The following USP42 variants were observed in gnomAD, a reference collection of about 807,000 sequenced individuals.
USP42 encodes ubiquitin carboxyl-terminal hydrolase 42.
In USP42, 23 loss-of-function variants were observed where a neutral mutation model predicts 113.0. The observed-to-expected ratio is 0.20, with a 90% CI of 0.15 to 0.29. The LOEUF is 0.29. USP42 is among the 10% of genes least tolerant of loss of function. The probability of loss-of-function intolerance (pLI) is 1.00; values close to 1 mark genes in which losing one functional copy is unlikely to be tolerated. For synonymous variants in USP42, 933 were observed against 699.0 expected (o/e 1.33, Z -5.28); for missense variants, 2,174 against 1,779.8 (o/e 1.22, Z -3.99).
At chr7:6,116,293 A>G (rs779219351) in intron 3 of USP42, among the ~76,000 whole-genome samples, 1 of 152,122 alleles carries the variant, frequency 6.6e-6, no homozygotes, top group Non-Finnish European at 1.5e-5. Context: ...TCCCTTTAGC[A>G]TTTGAGAACT....
At chr7:6,082,876 G>T in the USP42 span, among the ~76,000 whole-genome samples, 1 of 149,234 alleles carries the variant, frequency 6.7e-6, no homozygotes, top group Non-Finnish European at 1.5e-5. Flanking sequence ...CTCCCAAAGT[G>T]CTGGGATTAC....
At chr7:6,118,766 C>T (rs1038976284) in intron 3 of USP42, among the ~76,000 whole-genome samples, 14 of 152,008 alleles carry the variant, frequency 9.2e-5, no homozygotes, top group Admixed American at 7.9e-4. Context: ...ATTGTCTTTG[C>T]ACCTTTATCA....
At chr7:6,152,877 T>A in intron 14 of USP42, 1 of 955,080 alleles carries the variant, frequency 1.0e-6, no homozygotes, top group Non-Finnish European at 1.2e-6. Context: ...CCTCTACCTT[T>A]GAGGGTCCAA....
intron 3 of USP42, among the ~76,000 whole-genome samples, chr7:6,125,365 C>T (rs891003174): frequency 5.3e-5 from 8 of 151,968 alleles, no homozygotes; most frequent in South Asian, 2.1e-4. Flanking sequence ...TGGCAGATGC[C>T]TGTAATCTCA....
intron 3 of USP42, among the ~76,000 whole-genome samples, chr7:6,128,507 C>T (rs896138744): frequency 2.0e-5 from 3 of 152,106 alleles, no homozygotes; most frequent in African/African-American, 4.8e-5. Context: ...CTGCCTGTGT[C>T]ATTACATTTG....
At chr7:6,124,216 TTTTC>T (rs1178379328) in intron 3 of USP42, among the ~76,000 whole-genome samples, 1 of 151,988 alleles carries the variant, frequency 6.6e-6, no homozygotes, top group Non-Finnish European at 1.5e-5. Context: ...ATGATATATT[TTTTC>T]CATCTTTTTA....
intron 3 of USP42, 109 bp from the exon 4 acceptor site, chr7:6,135,732 A>T: frequency 2.2e-6 from 1 of 452,184 alleles, no homozygotes; most frequent in Non-Finnish European, 4.0e-6. Flanking sequence ...AGGCATGCAT[A>T]TAGCAGCTAT....
chr7:6,135,713 G>T, intron 3 of USP42, 128 bp from the exon 4 acceptor site: 6 of 279,698 alleles, frequency 2.1e-5, no homozygotes, highest in Non-Finnish European at 3.4e-5. Context: ...CATAAAAGTA[G>T]ATAGCTCAAG....
rs566927212 is a variant in USP42 at position 6,159,891 on chromosome 7, G to A, written c.*36+398G>A. On this transcript the variant is annotated intron_variant, in intron 17 of 17. Coordinates refer to ENST00000306177, the MANE Select transcript of USP42 (RefSeq NM_032172.3). The surrounding 1 kb of genome is among the most constrained non-coding windows in gnomAD (Gnocchi z 4.1). ...CAGGAGAGCGGAGCCTTGCTCCCTC[G>A]TCCGTCCCGTCCCCTGTGCTGCTGT... Among the ~76,000 whole-genome samples, 9 of 152,264 alleles carry A rather than the reference G, an allele frequency of 5.9e-5. No homozygotes were observed. Among genetic ancestry groups the A allele is most frequent in the East Asian group, 3.9e-4 (2 of 5,170 alleles).
chr7:6,091,561 A>G, the USP42 span, among the ~76,000 whole-genome samples: 1 of 150,610 alleles, frequency 6.6e-6, no homozygotes, highest in African/African-American at 2.5e-5. Context: ...ACCGTATTAT[A>G]CTATAATTGG....
chr7:6,101,131 G>A (rs1263230483), upstream of USP42, among the ~76,000 whole-genome samples: 1 of 151,064 alleles, frequency 6.6e-6, no homozygotes, highest in Non-Finnish European at 1.5e-5. Context: ...TGTCTCAGTG[G>A]GAGATGAGTC....
intron 1 of USP42, among the ~76,000 whole-genome samples, chr7:6,107,716 T>C (rs1337185163): frequency 1.6e-4 from 24 of 152,116 alleles, no homozygotes; most frequent in Admixed American, 1.6e-3. Context: ...GCCTCTTCTT[T>C]CTTTTTTTCC....
intron 3 of USP42, among the ~76,000 whole-genome samples, chr7:6,117,419 A>G (rs1779970519): frequency 6.6e-6 from 1 of 152,214 alleles, no homozygotes; most frequent in Non-Finnish European, 1.5e-5. Context: ...TTATGGCTAG[A>G]TCACAATTTG....
chr7:6,146,336 T>TAAAA, intron 11 of USP42, 88 bp downstream of exon 11: 1 of 781,862 alleles, frequency 1.3e-6, no homozygotes, highest in Non-Finnish European at 1.9e-6. Context: ...ATTCAGTGTT[T>TAAAA]TAAAAAAAAA....
chr7:6,146,105 TAATTA>T, intron 10 of USP42, 38 bp from the exon 11 acceptor site: 1 of 1,326,492 alleles, frequency 7.5e-7, no homozygotes, highest in Non-Finnish European at 1.0e-6. Context: ...GTTCCATGTT[TAATTA>T]AATCTAATCT....
At chr7:6,112,663 G>A (rs756010608) in intron 2 of USP42, among the ~76,000 whole-genome samples, 3 of 152,112 alleles carry the variant, frequency 2.0e-5, no homozygotes, top group Non-Finnish European at 4.4e-5. Flanking sequence ...AGAGCATGCA[G>A]CCCAGACAGC....
the USP42 span, among the ~76,000 whole-genome samples, chr7:6,089,864 G>T: frequency 6.6e-6 from 1 of 150,804 alleles, no homozygotes; most frequent in East Asian, 1.9e-4. Context: ...CATCCCTCAA[G>T]TGTCTGATGA....
Position 6,149,708 on chromosome 7 carries a change from C to G in USP42, c.1512C>G (p.Asn504Lys). Residue 504 changes from asparagine (N) to lysine (K), a missense_variant, in exon 13 of 18, where the codon AAC (asparagine) becomes AAG (lysine). Transcript: ENST00000306177. ...SPVNASASVQ[N>K]WSVNRSSVIP... ...TTAATGCTTCAGCTTCTGTCCAAAA[C>G]TGGTCAGTTAATAGGTCCTCAGTGA... The G allele has an allele frequency of 6.2e-7, 1 of 1,614,012 alleles. No individual in the cohort carries two copies. Among genetic ancestry groups the G allele is most frequent in the South Asian group, 1.1e-5 (1 of 91,082 alleles).
In USP42 at chr7:6,135,887, T is replaced by A. The variant is rs746991934; in HGVS notation, c.489T>A (p.Ile163=). 1 of 1,609,850 alleles carries A rather than the reference T, an allele frequency of 6.2e-7. No homozygotes were observed. The highest frequency in any genetic ancestry group is 2.2e-5 in the East Asian group (1 of 44,812). Residue 163 remains isoleucine (I), a synonymous_variant, in exon 4 of 18, where the codon ATT becomes ATA. Transcript: ENST00000306177. ...FCMMCTMQAH[I]TQALSNPGDV... ...TGATGTGTACAATGCAAGCACATATTACCCAGGCACTCAGTAATCCTGGGG... is the reference window on the plus strand; with the variant it reads ...TGATGTGTACAATGCAAGCACATATAACCCAGGCACTCAGTAATCCTGGGG...
Sources: gnomAD v4.1 joint callset for allele counts (sites outside exome capture counted in the v4.1 genomes callset) on GRCh38, gnomAD v4.1.1 for gene constraint, Gnocchi (gnomAD v3.1) non-coding constraint, MANE v1.5 for transcripts, NCBI Gene and HGNC (gene_info 2026-07-23, HGNC 2026-07-21) for gene names.